Variants in ASGR2 observed in about 807,000 individuals in gnomAD.
ASGR2 encodes the protein asialoglycoprotein receptor 2, also known as C-type lectin domain family 4 member H2.
A neutral mutation model predicts 32.3 loss-of-function variants in ASGR2; 34 were observed. The ratio of observed to expected loss-of-function variants is 1.05; its 90% CI spans 0.80 to 1.40. The LOEUF (loss-of-function observed/expected upper bound fraction) is 1.40. Among genes scored for constraint, ASGR2 ranks in the 40% most tolerant of loss-of-function variants. The probability of loss-of-function intolerance (pLI) is 0.00; values close to 1 mark genes in which losing one functional copy is unlikely to be tolerated. For synonymous variants in ASGR2, 143 were observed against 150.0 expected (o/e 0.95, Z 0.34); for missense variants, 385 against 386.4 (o/e 1.00, Z 0.03).
In ASGR2 at chr17:7,101,427, C is replaced by T; in HGVS notation, c.*148G>A. ...AGGTGGGATCTCAGTCCTCCAGGGT[C>T]AGGGACTCTTAAACTACCTCCTTTC... On this transcript the variant is annotated 3_prime_UTR_variant, in exon 9 of 9. Coordinates refer to ENST00000691900, the MANE Select transcript of ASGR2 (RefSeq NM_001201352.2). 9.8e-7 allele frequency: 1 copy of T among 1,021,222 alleles called. No homozygotes were observed. The highest frequency in any genetic ancestry group is 2.6e-5 in the East Asian group (1 of 37,944). The allele number at this position is 1,021,222 out of a possible 1,614,324, so 63.3% of individuals were successfully genotyped here.
chr17:7,114,903 G>C (rs2289644), upstream of ASGR2: 292,699 of 985,086 alleles, frequency 0.3, 43,622 homozygotes, highest in East Asian at 0.36. The surrounding 1 kb of genome is among the most constrained non-coding windows in gnomAD (Gnocchi z 4.5). Flanking sequence ...TATTCCCAGA[G>C]AGGGGGGTCC....
In ASGR2 at chr17:7,104,736, G is replaced by A. The variant is rs143016079; in HGVS notation, c.648+2264C>T. ...TCACACCTGTAATCCCAGCACTTCA[G>A]GAGGCCAAGGCGGGCGGATCACGAG... On this transcript the variant is annotated intron_variant, in intron 7 of 8. Transcript: ENST00000691900. 4.6e-3 allele frequency among the ~76,000 whole-genome samples: 698 copies of A among 151,652 alleles called. 11 individuals are homozygous for A. The highest frequency in any genetic ancestry group is 0.044 in the East Asian group (224 of 5,140).
Position 7,101,472 on chromosome 17 carries a change from C to A in ASGR2, c.*103G>T. ...CCTTTCTCTCTTTGCTCAGCTCTTC[C>A]CCATACCCCTGTCTCAGTGTTTCTT... On this transcript the variant is annotated 3_prime_UTR_variant, in exon 9 of 9. Transcript: ENST00000691900. 6.8e-7 allele frequency: 1 copy of A among 1,471,076 alleles called. No individual in the cohort carries two copies. The highest frequency in any genetic ancestry group is 2.3e-5 in the East Asian group (1 of 42,692). The allele number at this position is 1,471,076 out of a possible 1,614,324, so 91.1% of individuals were successfully genotyped here.
chr17:7,111,482 C>T (rs1023548399), intron 2 of ASGR2, among the ~76,000 whole-genome samples: 12 of 151,772 alleles, frequency 7.9e-5, no homozygotes, highest in South Asian at 4.2e-4. Context: ...TGGTGAAACC[C>T]CATCTCTACT....
At chr17:7,104,817 A>AT in intron 7 of ASGR2, among the ~76,000 whole-genome samples, 1 of 151,834 alleles carries the variant, frequency 6.6e-6, no homozygotes, top group South Asian at 2.1e-4. Flanking sequence ...TCTACTAAAA[A>AT]ATATAAAAGT....
chr17:7,110,578 T>C (rs1914493648), intron 2 of ASGR2, among the ~76,000 whole-genome samples: 1 of 152,236 alleles, frequency 6.6e-6, no homozygotes, highest in Non-Finnish European at 1.5e-5. Flanking sequence ...TGCACCAGCA[T>C]TCAATTTCTC....
Position 7,107,067 on chromosome 17 carries a change from G to C in ASGR2, c.581C>G (p.Ala194Gly), listed in dbSNP as rs762657509. ...CAGCTGGCAGTACTTCTCCGCCTCA[G>C]CCCAGGCCTTCCCGGAGTGAGAGAA... ...YWFSHSGKAW[A>G]EAEKYCQLEN... Residue 194 changes from alanine to glycine, a missense_variant, in exon 7 of 9, where the codon GCT (alanine) becomes GGT (glycine). Ala to Gly is a moderately conservative substitution (Grantham distance 60). Transcript: ENST00000691900. The surrounding 1 kb of genome is among the most constrained non-coding windows in gnomAD (Gnocchi z 5.0). 2 of 1,614,176 alleles carry C rather than the reference G, an allele frequency of 1.2e-6. No homozygotes were observed. The highest frequency in any genetic ancestry group is 1.7e-6 in the Non-Finnish European group (2 of 1,180,038).
In ASGR2 at chr17:7,114,141, TG is replaced by T. The variant is rs1457738277; in HGVS notation, c.99del (p.Arg34GlyfsTer7). Reference sequence around the variant, plus strand: ...CCTTTCAAAAATGGATTTCCTCTCCTGGGATTCAGCCTGCGAGTGCCTGGCC... The same window carrying T: ...CCTTTCAAAAATGGATTTCCTCTCCTGGATTCAGCCTGCGAGTGCCTGGCC... ...GEGPGTRRLN[P>X]RRGNPFLKGP... On this transcript the variant is annotated frameshift_variant, in exon 2 of 9. Transcript: ENST00000691900. LOFTEE classifies it high-confidence loss of function. This position sits in a 1 kb window ranked among gnomAD's most constrained non-coding sequence, Gnocchi z 4.5. 3.7e-6 allele frequency: 6 copies of T among 1,614,228 alleles called. No homozygotes were observed. The East Asian group carries it at 1.1e-4, about 30-fold the overall frequency.
intron 7 of ASGR2, among the ~76,000 whole-genome samples, chr17:7,105,112 T>C (rs1274217777): frequency 1.3e-5 from 2 of 152,110 alleles, no homozygotes; most frequent in Admixed American, 1.3e-4. Context: ...ACTTTTAGTT[T>C]TCAAAGCCAA....
At chr17:7,115,121 A>C, upstream of ASGR2, 2 of 639,904 alleles carry the variant, frequency 3.1e-6, no homozygotes, top group Non-Finnish European at 3.9e-6. This position sits in a 1 kb window ranked among gnomAD's most constrained non-coding sequence, Gnocchi z 4.2. Context: ...CTCTTGCCCA[A>C]TCCGGCATCT....
Position 7,107,135 on chromosome 17 carries a change from G to A in ASGR2, c.513C>T (p.Cys171=), listed in dbSNP as rs553227601. 6 of 1,614,196 alleles carry A rather than the reference G, an allele frequency of 3.7e-6. No individual in the cohort carries two copies. In the South Asian group the frequency reaches 4.4e-5, roughly 12 times the overall value. The part of the protein sequence containing the change: ...LLHSNGSQRT[C]CPVNWVEHQG... ...GGTGCTCCACCCAGTTGACGGGGCA[G>A]CAGGTCCTTTGGGAGCCTGAGGGGA... The change falls in exon 7 of 9, where the codon TGC becomes TGT. Residue 171 remains cysteine, a synonymous_variant. Coordinates refer to ENST00000691900, the MANE Select transcript of ASGR2 (RefSeq NM_001201352.2). This position sits in a 1 kb window ranked among gnomAD's most constrained non-coding sequence, Gnocchi z 5.0.
chr17:7,114,204 A>G lies in ASGR2; in HGVS notation c.37T>C (p.Ser13Pro). Residue 13 changes from serine to proline, a missense_variant, in exon 2 of 9, where the codon TCG (serine) becomes CCG (proline). Physicochemically the swap from Ser to Pro is moderately conservative, Grantham distance 74 (BLOSUM62 -1). Coordinates refer to ENST00000691900, the MANE Select transcript of ASGR2 (RefSeq NM_001201352.2). This position sits in a 1 kb window ranked among gnomAD's most constrained non-coding sequence, Gnocchi z 4.5. The part of the protein sequence containing the change: ...KDFQDIQQLS[S>P]EENDHPFHQG... ...TGGAAAGGATGGTCATTTTCCTCCG[A>G]GCTCAGCTGCTGGATATCTTGAAAG... The G allele has an allele frequency of 1.9e-6, 3 of 1,614,112 alleles. No homozygotes were observed. Among genetic ancestry groups the G allele is most frequent in the Non-Finnish European group, 2.5e-6 (3 of 1,180,014 alleles).
chr17:7,102,045 T>A, intron 8 of ASGR2, 45 bp downstream of exon 8: 1 of 1,572,342 alleles, frequency 6.4e-7, no homozygotes, highest in Non-Finnish European at 8.8e-7. Context: ...CAGGGGGCTG[T>A]CCCCAGAGAA....
Position 7,113,556 on chromosome 17 carries a change from CACA to C in ASGR2, c.124+558_124+560del, listed in dbSNP as rs1915047669. Among the ~76,000 whole-genome samples, 4 of 150,940 alleles carry C rather than the reference CACA, an allele frequency of 2.7e-5. No individual in the cohort carries two copies. The highest frequency in any genetic ancestry group is 4.2e-4 in the South Asian group (2 of 4,774). On this transcript the variant is annotated intron_variant, in intron 2 of 8. Transcript: ENST00000691900. The surrounding 1 kb of genome is among the most constrained non-coding windows in gnomAD (Gnocchi z 5.1). ...CACACTCATACACAACATACATACA[CACA>C]ACATACACACAACATACACACACTC...
chr17:7,101,415 G>A lies in ASGR2; in HGVS notation c.*160C>T, dbSNP rs928973636. ...AATTACAGAAGGAGGTGGGATCTCAGTCCTCCAGGGTCAGGGACTCTTAAA... is the reference window on the plus strand; with the variant it reads ...AATTACAGAAGGAGGTGGGATCTCAATCCTCCAGGGTCAGGGACTCTTAAA... On this transcript the variant is annotated 3_prime_UTR_variant, in exon 9 of 9. Transcript: ENST00000691900. 9 of 847,384 alleles carry A rather than the reference G, an allele frequency of 1.1e-5. No individual in the cohort carries two copies. The highest frequency in any genetic ancestry group is 1.6e-5 in the Non-Finnish European group (9 of 575,106). 52.5% of individuals were successfully genotyped at this position (847,384 alleles called of 1,614,324 possible).
rs181267288 is a variant in ASGR2, at chr17:7,107,585, A to C, written c.409+251T>G. 6.5e-4 allele frequency: 408 copies of C among 631,106 alleles called. 4 individuals are homozygous for C. The African/African-American group carries it at 6.6e-3, about 10-fold the overall frequency. The allele number at this position is 631,106 out of a possible 1,614,324, so 39.1% of individuals were successfully genotyped here. On this transcript the variant is annotated intron_variant, in intron 5 of 8. Coordinates refer to ENST00000691900, the MANE Select transcript of ASGR2 (RefSeq NM_001201352.2). This position sits in a 1 kb window ranked among gnomAD's most constrained non-coding sequence, Gnocchi z 5.0. ...CATATACCATACCGCACACACACAG[A>C]CTCATCTCACACACACCACCACACA...
In ASGR2 at chr17:7,107,571, C is replaced by CCG; in HGVS notation, c.410-256_410-255dup. ...CATGCGTACACACACATATACCATA[C>CCG]CGCACACACACAGACTCATCTCACA... is the stretch of plus-strand genomic sequence containing the variant. On this transcript the variant is annotated intron_variant, in intron 5 of 8. Transcript: ENST00000691900. This position sits in a 1 kb window ranked among gnomAD's most constrained non-coding sequence, Gnocchi z 5.0. 1 of 634,072 alleles carries CCG rather than the reference C, an allele frequency of 1.6e-6. No individual in the cohort carries two copies. 39.3% of individuals were successfully genotyped at this position (634,072 alleles called of 1,614,324 possible). A position where few individuals can be genotyped will look rare whatever the true frequency, so the allele number is the denominator to read the frequency against.
intron 2 of ASGR2, among the ~76,000 whole-genome samples, chr17:7,111,806 C>T (rs958570340): frequency 6.6e-6 from 1 of 150,974 alleles, no homozygotes; most frequent in Non-Finnish European, 1.5e-5. Flanking sequence ...GGGGGAATCA[C>T]TTGAGCCCAG....
In ASGR2 at chr17:7,107,016, T is replaced by C. The variant is rs773205130; in HGVS notation, c.632A>G (p.Asn211Ser). 1.1e-5 allele frequency: 18 copies of C among 1,613,780 alleles called. No homozygotes were observed. Among genetic ancestry groups the C allele is most frequent in the Admixed American group, 1.7e-5 (1 of 59,990 alleles). The change falls in exon 7 of 9, where the codon AAC (asparagine) becomes AGC (serine). Residue 211 changes from asparagine (N) to serine (S), a missense_variant. Asn to Ser is a conservative substitution (Grantham distance 46, BLOSUM62 1). Coordinates refer to ENST00000691900, the MANE Select transcript of ASGR2 (RefSeq NM_001201352.2). The surrounding 1 kb of genome is among the most constrained non-coding windows in gnomAD (Gnocchi z 5.0). ...QLENAHLVVI[N>S]SWEEQKFIVQ... ...TGGCCTCACCTGCTCCTCCCAGGAG[T>C]TGATGACCACCAGGTGTGCGTTCTC...
Sources: gnomAD v4.1 joint callset for allele counts (sites outside exome capture counted in the v4.1 genomes callset) on GRCh38, gnomAD v4.1.1 for gene constraint, Gnocchi (gnomAD v3.1) non-coding constraint, MANE v1.5 for transcripts, NCBI Gene and HGNC (gene_info 2026-07-23, HGNC 2026-07-21) for gene names.